PARD3B: variants seen among roughly 807,000 people sequenced by gnomAD.
PARD3B encodes the protein par-3 family cell polarity regulator beta.
Under a neutral mutation model 130.2 loss-of-function variants are expected in PARD3B, and 103 were observed. The observed-to-expected ratio is 0.79, with a 90% confidence interval of 0.67 to 0.93. PARD3B has a LOEUF of 0.93. Ranked by LOEUF, PARD3B falls within the 40% of genes least tolerant of loss-of-function variation. PARD3B has a pLI of 0.00. For synonymous variants in PARD3B, 583 were observed against 553.2 expected (o/e 1.05, Z -0.76); for missense variants, 1,609 against 1,499.2 (o/e 1.07, Z -1.21).
intron 2 of PARD3B, among the ~76,000 whole-genome samples, chr2:204,945,544 A>G (rs1239268493): frequency 1.3e-5 from 2 of 152,218 alleles, no homozygotes; most frequent in African/African-American, 4.8e-5. Flanking sequence ...ATAAGCAGCA[A>G]CTAGCTACAA....
At chr2:205,154,915 G>C (rs773776539) in intron 10 of PARD3B, among the ~76,000 whole-genome samples, 3 of 151,950 alleles carry the variant, frequency 2.0e-5, no homozygotes, top group Non-Finnish European at 4.4e-5. Flanking sequence ...CCTGGGGGAG[G>C]GATAGCATTA....
chr2:205,066,082 C>T (rs975843024), intron 4 of PARD3B, among the ~76,000 whole-genome samples: 4 of 152,094 alleles, frequency 2.6e-5, no homozygotes, highest in African/African-American at 9.7e-5. Context: ...CAGACTCTCT[C>T]GGGTCTGGGA....
chr2:205,067,095 C>CTTTTTTTT lies in PARD3B; in HGVS notation c.504+19427_504+19434dup, dbSNP rs10672449. ...GCATCTTGCATCCACTTTTACTAGG[C>CTTTTTTTT]TTTTTTTTTTTTTTTTTTTTTTTTT... is the stretch of plus-strand genomic sequence containing the variant. On this transcript the variant is annotated intron_variant, in intron 4 of 22. Coordinates refer to ENST00000406610, the MANE Select transcript of PARD3B (RefSeq NM_001302769.2). Among the ~76,000 whole-genome samples the CTTTTTTTT allele has an allele frequency of 1.9e-3, 113 of 59,690 alleles. 16 individuals are homozygous for CTTTTTTTT. The highest frequency in any genetic ancestry group is 2.3e-3 in the African/African-American group (31 of 13,678). 39.2% of individuals were successfully genotyped at this position (59,690 alleles called of 152,430 possible). A position where few individuals can be genotyped will look rare whatever the true frequency, so the allele number is the denominator to read the frequency against.
chr2:205,182,250 C>T (rs1483722323), intron 13 of PARD3B, among the ~76,000 whole-genome samples: 1 of 151,650 alleles, frequency 6.6e-6, no homozygotes, highest in Non-Finnish European at 1.5e-5. Context: ...CAAGATCGCA[C>T]CACTGCACTC....
At chr2:204,992,332 G>A (rs946768094) in intron 3 of PARD3B, among the ~76,000 whole-genome samples, 25 of 139,708 alleles carry the variant, frequency 1.8e-4, no homozygotes, top group Admixed American at 5.2e-4. Flanking sequence ...TATTAAATAC[G>A]GAATCCTTTC....
intron 2 of PARD3B, among the ~76,000 whole-genome samples, chr2:204,859,565 T>C (rs1200606285): frequency 6.6e-6 from 1 of 152,222 alleles, no homozygotes; most frequent in Non-Finnish European, 1.5e-5. Context: ...GGTAGAACAA[T>C]ATAATTTCTT....
intron 3 of PARD3B, among the ~76,000 whole-genome samples, chr2:205,003,263 C>G (rs1490676259): frequency 6.6e-6 from 1 of 152,182 alleles, no homozygotes; most frequent in Non-Finnish European, 1.5e-5. Context: ...CAGTCTTCCT[C>G]TGCTAAGGTC....
At chr2:205,520,802 A>T (rs1191463912) in intron 21 of PARD3B, among the ~76,000 whole-genome samples, 7 of 152,084 alleles carry the variant, frequency 4.6e-5, no homozygotes, top group Admixed American at 1.3e-4. Flanking sequence ...TCATGACATT[A>T]AACAATCTTC....
At chr2:205,353,597 T>C (rs2044071551) in intron 18 of PARD3B, among the ~76,000 whole-genome samples, 1 of 152,128 alleles carries the variant, frequency 6.6e-6, no homozygotes, top group South Asian at 2.1e-4. Flanking sequence ...AAAATAAAAT[T>C]ATTTTAGAAT....
At chr2:205,324,743 C>G (rs1574703051) in intron 18 of PARD3B, among the ~76,000 whole-genome samples, 1 of 152,062 alleles carries the variant, frequency 6.6e-6, no homozygotes, top group Non-Finnish European at 1.5e-5. Context: ...CAGTCCTCCT[C>G]TCTTCTAACC....
At chr2:204,928,331 A>G (rs542759067) in intron 2 of PARD3B, among the ~76,000 whole-genome samples, 9 of 152,236 alleles carry the variant, frequency 5.9e-5, no homozygotes, top group African/African-American at 9.6e-5. Flanking sequence ...TATCAATTCT[A>G]TCACTTCTGT....
chr2:205,320,221 GAGGA>G (rs1420602858), intron 18 of PARD3B, among the ~76,000 whole-genome samples: 48 of 134,806 alleles, frequency 3.6e-4, no homozygotes, highest in African/African-American at 1.1e-3. Flanking sequence ...GGGTGGGGGG[GAGGA>G]AGGAAGGAAG....
In PARD3B at chr2:205,584,600, C is replaced by G. The variant is rs569925819; in HGVS notation, c.3261-30856C>G. On this transcript the variant is annotated intron_variant, in intron 22 of 22. Transcript: ENST00000406610. This position sits in a 1 kb window ranked among gnomAD's most constrained non-coding sequence, Gnocchi z 5.5. ...GGCTGAGGCAGGAGAATCGCTTGAA[C>G]CCGGGAGGCAGAGGTTGCAGTGAGC... Among the ~76,000 whole-genome samples, 1 of 152,092 alleles carries G rather than the reference C, an allele frequency of 6.6e-6. No individual in the cohort carries two copies. The highest frequency in any genetic ancestry group is 6.6e-5 in the Admixed American group (1 of 15,264).
intron 15 of PARD3B, among the ~76,000 whole-genome samples, chr2:205,210,341 A>G (rs1016347072): frequency 6.6e-6 from 1 of 152,074 alleles, no homozygotes; most frequent in Non-Finnish European, 1.5e-5. Context: ...ATTGTACCAA[A>G]CATATTTCTT....
At chr2:205,331,017 A>G (rs1473414402) in intron 18 of PARD3B, among the ~76,000 whole-genome samples, 3 of 152,186 alleles carry the variant, frequency 2.0e-5, no homozygotes, top group African/African-American at 7.2e-5. Flanking sequence ...AGAAAGAACA[A>G]TGGGGAGGAA....
chr2:204,994,045 A>G (rs371958949), intron 3 of PARD3B, among the ~76,000 whole-genome samples: 4 of 150,086 alleles, frequency 2.7e-5, no homozygotes, highest in African/African-American at 4.9e-5. Flanking sequence ...TGGATTCATT[A>G]ATTTTTTGAA....
In PARD3B at chr2:205,575,060, A is replaced by T. The variant is rs114427518; in HGVS notation, c.3260+21657A>T. 0.014 allele frequency among the ~76,000 whole-genome samples: 1,970 copies of T among 145,368 alleles called. 47 individuals carry two copies. Among genetic ancestry groups the T allele is most frequent in the African/African-American group, 0.047 (1,870 of 39,418 alleles). ...AAAGCAAGGCATGATCCACATCAAA[A>T]TACATTATATACACATTTAAATAGA... On this transcript the variant is annotated intron_variant, in intron 22 of 22. Transcript: ENST00000406610. This position sits in a 1 kb window ranked among gnomAD's most constrained non-coding sequence, Gnocchi z 4.6.
rs1667111799 is a variant in PARD3B, at chr2:205,366,347, C to T, written c.2631-34666C>T. On this transcript the variant is annotated intron_variant, in intron 18 of 22. Transcript: ENST00000406610. The surrounding 1 kb of genome is among the most constrained non-coding windows in gnomAD (Gnocchi z 5.0). The stretch of plus-strand genomic sequence containing the variant: ...AGTGTTGACTCAGCTCTCAAATTTG[C>T]TGTGCAGTGCTTACATGGACAGAGG... 6.6e-6 allele frequency among the ~76,000 whole-genome samples: 1 copy of T among 152,126 alleles called. No homozygotes were observed. Among genetic ancestry groups the T allele is most frequent in the Non-Finnish European group, 1.5e-5 (1 of 68,036 alleles).
chr2:204,978,718 C>A (rs918375115), intron 3 of PARD3B, among the ~76,000 whole-genome samples: 2 of 151,970 alleles, frequency 1.3e-5, no homozygotes, highest in Non-Finnish European at 2.9e-5. Flanking sequence ...TCCTAGCATT[C>A]TGGGAGGCTG....
Sources: allele counts gnomAD v4.1 joint callset (sites outside exome capture counted in the v4.1 genomes callset), GRCh38; gene constraint gnomAD v4.1.1; non-coding constraint Gnocchi (gnomAD v3.1); transcripts MANE v1.5; gene names NCBI Gene and HGNC (gene_info 2026-07-23, HGNC 2026-07-21).